The following KCND2 variants were observed in gnomAD, a reference collection of about 807,000 sequenced individuals.
KCND2 encodes the protein potassium voltage-gated channel subfamily D member 2.
Under a neutral mutation model 54.4 loss-of-function variants are expected in KCND2, and 16 were observed. The observed-to-expected ratio is 0.29, with a 90% CI of 0.20 to 0.45. The LOEUF is 0.45. Among genes scored for constraint, KCND2 ranks in the 20% least tolerant of loss-of-function variants. The pLI is 1.00. For missense variants in KCND2, 486 were observed against 824.2 expected, an observed-to-expected ratio of 0.59 and a Z score of 5.02; for synonymous variants, 317 against 310.7, an observed-to-expected ratio of 1.02 and a Z score of -0.21.
At chr7:120,402,744 A>T (rs2116084759) in intron 1 of KCND2, among the ~76,000 whole-genome samples, 1 of 152,310 alleles carries the variant, frequency 6.6e-6, no homozygotes, top group South Asian at 2.1e-4. Flanking sequence ...ACCTGCAAAT[A>T]TTTAATTTTA....
intron 1 of KCND2, among the ~76,000 whole-genome samples, chr7:120,495,055 A>G (rs1231904707): frequency 6.6e-6 from 1 of 152,220 alleles, no homozygotes; most frequent in African/African-American, 2.4e-5. Flanking sequence ...CTCCCCTGAA[A>G]TCATGTGCAT....
chr7:120,581,790 C>A (rs1165234878), intron 1 of KCND2, among the ~76,000 whole-genome samples: 1 of 152,142 alleles, frequency 6.6e-6, no homozygotes, highest in African/African-American at 2.4e-5. Flanking sequence ...CAGCTCACTG[C>A]AACCTGCACC....
intron 1 of KCND2, among the ~76,000 whole-genome samples, chr7:120,632,544 T>C (rs575242231): frequency 6.6e-6 from 1 of 152,172 alleles, no homozygotes; most frequent in African/African-American, 2.4e-5. Flanking sequence ...TGATAGTCTT[T>C]CCATTTTATA....
chr7:120,689,907 G>A (rs1027892630), intron 1 of KCND2, among the ~76,000 whole-genome samples: 1 of 152,112 alleles, frequency 6.6e-6, no homozygotes, highest in African/African-American at 2.4e-5. Context: ...TCAGTATTGG[G>A]GAGTTGAAAC....
chr7:120,342,585 A>G (rs1168047076), intron 1 of KCND2, among the ~76,000 whole-genome samples: 1 of 152,194 alleles, frequency 6.6e-6, no homozygotes, highest in African/African-American at 2.4e-5. Context: ...TGTATAAGGT[A>G]CAACAGTCAT....
intron 1 of KCND2, among the ~76,000 whole-genome samples, chr7:120,427,213 T>A (rs1453783340): frequency 6.6e-6 from 1 of 152,226 alleles, no homozygotes; most frequent in African/African-American, 2.4e-5. Context: ...TCTGTCAACA[T>A]TTCATACAAA....
chr7:120,710,137 T>A (rs1282315821), intron 1 of KCND2, among the ~76,000 whole-genome samples: 1 of 152,046 alleles, frequency 6.6e-6, no homozygotes, highest in African/African-American at 2.4e-5. Flanking sequence ...CAGTAATGAG[T>A]CATATTTTAC....
intron 1 of KCND2, among the ~76,000 whole-genome samples, chr7:120,332,055 C>T (rs368636164): frequency 1.7e-4 from 26 of 152,138 alleles, no homozygotes; most frequent in African/African-American, 5.5e-4. Context: ...CCTAGACTTT[C>T]GGTTGGCTTT....
chr7:120,576,256 C>T (rs1792432762), intron 1 of KCND2, among the ~76,000 whole-genome samples: 2 of 152,234 alleles, frequency 1.3e-5, no homozygotes, highest in East Asian at 1.9e-4. Context: ...ATAAATATTA[C>T]AAATAGTACT....
chr7:120,426,812 G>A (rs1016463497), intron 1 of KCND2, among the ~76,000 whole-genome samples: 2 of 151,810 alleles, frequency 1.3e-5, no homozygotes, highest in Non-Finnish European at 2.9e-5. Context: ...TAGTAGAGAC[G>A]GGGTTCACTG....
chr7:120,533,939 G>A (rs529041500), intron 1 of KCND2, among the ~76,000 whole-genome samples: 12 of 152,218 alleles, frequency 7.9e-5, no homozygotes, highest in African/African-American at 1.2e-4. Flanking sequence ...AAGAAGCTTC[G>A]CTAACCCCCA....
At chr7:120,700,964 G>A (rs1305049867) in intron 1 of KCND2, among the ~76,000 whole-genome samples, 1 of 152,030 alleles carries the variant, frequency 6.6e-6, no homozygotes, top group African/African-American at 2.4e-5. Flanking sequence ...AAATCTTCAG[G>A]GCCCCAGGCT....
At chr7:120,655,848 A>G (rs1012983) in intron 1 of KCND2, among the ~76,000 whole-genome samples, 58,760 of 151,864 alleles carry the variant, frequency 0.39, 13,415 homozygotes, top group African/African-American at 0.62. Context: ...CCTAAAACAA[A>G]CACTATCATT....
At chr7:120,642,750 A>G (rs1793394094) in intron 1 of KCND2, among the ~76,000 whole-genome samples, 1 of 152,162 alleles carries the variant, frequency 6.6e-6, no homozygotes, top group South Asian at 2.1e-4. Context: ...CATTTTCACA[A>G]ACATTATCTC....
intron 1 of KCND2, among the ~76,000 whole-genome samples, chr7:120,327,457 T>C (rs767437899): frequency 1.4e-4 from 22 of 152,136 alleles, no homozygotes; most frequent in Non-Finnish European, 2.4e-4. Context: ...CCTACCTATA[T>C]GAAGAGTGAT....
intron 1 of KCND2, among the ~76,000 whole-genome samples, chr7:120,347,362 TGCATCTGG>T (rs576347480): frequency 1.2e-3 from 187 of 152,334 alleles, no homozygotes; most frequent in Non-Finnish European, 2.2e-3. Flanking sequence ...CTTAAACTTC[TGCATCTGG>T]GCATGCTACT....
At chr7:120,407,060 GA>G (rs372804158) in intron 1 of KCND2, among the ~76,000 whole-genome samples, 2,108 of 149,962 alleles carry the variant, frequency 0.014, 48 homozygotes, top group African/African-American at 0.045. Context: ...AATTCTCAAT[GA>G]AAAAAAAAAT....
intron 1 of KCND2, among the ~76,000 whole-genome samples, chr7:120,341,326 A>G (rs566635230): frequency 1.3e-5 from 2 of 152,308 alleles, no homozygotes; most frequent in Admixed American, 6.5e-5. Context: ...AATTTGTCAA[A>G]TTGAATTTAA....
At chr7:120,435,091 T>TTTTATTTATTTATTTA (rs58887227) in intron 1 of KCND2, among the ~76,000 whole-genome samples, 1,613 of 149,312 alleles carry the variant, frequency 0.011, 21 homozygotes, top group African/African-American at 0.031. Context: ...AAACAATAAA[T>TTTTATTTATTTATTTA]TTTATTTATT....
Sources: gnomAD v4.1 joint callset for allele counts (sites outside exome capture counted in the v4.1 genomes callset) on GRCh38, gnomAD v4.1.1 for gene constraint, MANE v1.5 for transcripts, NCBI Gene and HGNC (gene_info 2026-07-23, HGNC 2026-07-21) for gene names.